Variants in CTNND2 observed in about 807,000 individuals in gnomAD.
CTNND2 encodes the protein catenin delta 2.
Under a neutral mutation model 144.4 loss-of-function variants are expected in CTNND2, and 22 were observed. The observed-to-expected ratio is 0.15, with a 90% CI of 0.11 to 0.22. The LOEUF (loss-of-function observed/expected upper bound fraction) is 0.22. CTNND2 is among the 10% of genes least tolerant of loss of function. The pLI, the probability that CTNND2 is intolerant of heterozygous loss-of-function variation, is 1.00. For synonymous variants in CTNND2, 751 were observed against 695.6 expected (o/e 1.08, Z -1.25); for missense variants, 1,353 against 1,618.8 (o/e 0.84, Z 2.82).
At chr5:11,017,664 A>C (rs1437758260) in intron 18 of CTNND2, among the ~76,000 whole-genome samples, 4 of 150,352 alleles carry the variant, frequency 2.7e-5, no homozygotes, top group South Asian at 2.1e-4. Context: ...TTTTTTCCCC[A>C]AAATCCCTCT....
intron 1 of CTNND2, among the ~76,000 whole-genome samples, chr5:11,807,394 C>A (rs536388073): frequency 3.4e-4 from 52 of 152,148 alleles, no homozygotes; most frequent in Non-Finnish European, 6.2e-4. Flanking sequence ...GATTTTGGTA[C>A]GTACATCATA....
chr5:11,256,840 T>G (rs1561104992), intron 9 of CTNND2, among the ~76,000 whole-genome samples: 1 of 152,170 alleles, frequency 6.6e-6, no homozygotes, highest in Non-Finnish European at 1.5e-5. Context: ...ACTACTAAGA[T>G]TTGGGGCCAG....
At chr5:11,619,772 T>A (rs1190596108) in intron 2 of CTNND2, among the ~76,000 whole-genome samples, 1 of 152,196 alleles carries the variant, frequency 6.6e-6, no homozygotes, top group East Asian at 1.9e-4. Flanking sequence ...TGGAAATTTC[T>A]CTCACTGTAC....
intron 3 of CTNND2, among the ~76,000 whole-genome samples, chr5:11,504,975 C>A (rs922046141): frequency 5.3e-5 from 8 of 152,016 alleles, no homozygotes; most frequent in African/African-American, 1.9e-4. Context: ...GTCCTGGAGT[C>A]TGAAGAGCCA....
chr5:11,783,736 TC>T (rs1421838897), intron 1 of CTNND2, among the ~76,000 whole-genome samples: 1 of 152,190 alleles, frequency 6.6e-6, no homozygotes, highest in Non-Finnish European at 1.5e-5. Context: ...CTTTCCTCTT[TC>T]CCTGTGGAGG....
At chr5:11,446,639 AAGG>A (rs1353138413) in intron 3 of CTNND2, among the ~76,000 whole-genome samples, 1 of 152,146 alleles carries the variant, frequency 6.6e-6, no homozygotes, top group East Asian at 1.9e-4. Context: ...TGAGGGCCTG[AAGG>A]AGAAGTGTCT....
intron 9 of CTNND2, among the ~76,000 whole-genome samples, chr5:11,295,617 A>G (rs1025155402): frequency 3.3e-5 from 5 of 152,218 alleles, no homozygotes; most frequent in African/African-American, 1.2e-4. Flanking sequence ...ACAGCATGGT[A>G]CTGGTACCAA....
At chr5:11,855,134 G>T (rs1202391653) in intron 1 of CTNND2, among the ~76,000 whole-genome samples, 2 of 152,232 alleles carry the variant, frequency 1.3e-5, no homozygotes, top group African/African-American at 4.8e-5. Flanking sequence ...CCGGAGGGCA[G>T]CCTTAAACCA....
intron 9 of CTNND2, among the ~76,000 whole-genome samples, chr5:11,289,784 C>T (rs1466829442): frequency 6.6e-6 from 1 of 152,210 alleles, no homozygotes; most frequent in Non-Finnish European, 1.5e-5. Flanking sequence ...CACCTCTCAT[C>T]TCTTCTAAGG....
chr5:11,388,096 T>A (rs765198504), intron 6 of CTNND2, among the ~76,000 whole-genome samples: 2 of 152,148 alleles, frequency 1.3e-5, no homozygotes, highest in Non-Finnish European at 2.9e-5. Flanking sequence ...TATTATAGGA[T>A]CTTGGTAAAA....
intron 3 of CTNND2, among the ~76,000 whole-genome samples, chr5:11,507,320 G>A (rs1038186821): frequency 6.6e-6 from 1 of 152,138 alleles, no homozygotes; most frequent in African/African-American, 2.4e-5. Flanking sequence ...CAGGCCAAAT[G>A]GAAAAATACC....
intron 16 of CTNND2, among the ~76,000 whole-genome samples, chr5:11,068,810 G>C (rs533341845): frequency 2.6e-5 from 4 of 152,310 alleles, no homozygotes; most frequent in South Asian, 4.1e-4. Flanking sequence ...CCAGCTATGT[G>C]GGGGGCTGGG....
chr5:11,192,909 G>A (rs1417724584), intron 11 of CTNND2, among the ~76,000 whole-genome samples: 1 of 152,168 alleles, frequency 6.6e-6, no homozygotes, highest in Non-Finnish European at 1.5e-5. Context: ...GGTGAGGGCT[G>A]GCTTCTGGGA....
intron 8 of CTNND2, among the ~76,000 whole-genome samples, chr5:11,361,905 C>T (rs1756490441): frequency 6.6e-6 from 1 of 152,212 alleles, no homozygotes; most frequent in Non-Finnish European, 1.5e-5. Context: ...ACTTCTCTTG[C>T]AGTATCATCT....
At chr5:11,476,018 C>G (rs1281653601) in intron 3 of CTNND2, among the ~76,000 whole-genome samples, 1 of 151,260 alleles carries the variant, frequency 6.6e-6, no homozygotes. Context: ...CACCACCATG[C>G]CCGGCTAATT....
chr5:11,507,406 T>G (rs1771162506), intron 3 of CTNND2, among the ~76,000 whole-genome samples: 1 of 151,996 alleles, frequency 6.6e-6, no homozygotes, highest in African/African-American at 2.4e-5. Context: ...GGGAATGCCT[T>G]CTGAGAGAAG....
chr5:11,902,497 C>G (rs1051760473), intron 1 of CTNND2, among the ~76,000 whole-genome samples: 2 of 152,096 alleles, frequency 1.3e-5, no homozygotes, highest in African/African-American at 2.4e-5. Context: ...GGACTGCCCT[C>G]GGTAGCTTCA....
chr5:11,023,022 T>C, intron 16 of CTNND2, 43 bp from the exon 17 acceptor site: 2 of 1,580,108 alleles, frequency 1.3e-6, no homozygotes, highest in African/African-American at 2.7e-5. Context: ...GAGGTCAAGG[T>C]GAAGGCAGAG....
In CTNND2 at chr5:11,514,598, G is replaced by A. The variant is rs190365521; in HGVS notation, c.287+50346C>T. Among the ~76,000 whole-genome samples the A allele has an allele frequency of 2.5e-3, 387 of 152,156 alleles. 3 individuals carry two copies. Among genetic ancestry groups the A allele is most frequent in the African/African-American group, 7.9e-3 (326 of 41,500 alleles). Reference sequence around the variant, plus strand: ...CTGTCCAAAATATAAAAATTTCTTCGTCTTTAAATGTCATAGTGTGACCTC... The same window carrying A: ...CTGTCCAAAATATAAAAATTTCTTCATCTTTAAATGTCATAGTGTGACCTC... On this transcript the variant is annotated intron_variant, in intron 3 of 21. Coordinates refer to ENST00000304623, the MANE Select transcript of CTNND2 (RefSeq NM_001332.4).
Sources: allele counts gnomAD v4.1 joint callset (sites outside exome capture counted in the v4.1 genomes callset), GRCh38; gene constraint gnomAD v4.1.1; transcripts MANE v1.5; gene names NCBI Gene and HGNC (gene_info 2026-07-23, HGNC 2026-07-21).